The following SLC24A3 variants were observed in gnomAD, a reference collection of about 807,000 sequenced individuals.
The protein encoded by SLC24A3 is sodium/potassium/calcium exchanger 3.
In SLC24A3, 28 loss-of-function variants were observed where a neutral mutation model predicts 75.8. That is an observed-to-expected ratio of 0.37 (90% CI 0.27 to 0.51). The LOEUF is 0.51. Among genes scored for constraint, SLC24A3 ranks in the 20% least tolerant of loss-of-function variants. SLC24A3 has a pLI of 0.94. For missense variants in SLC24A3, 663 were observed against 847.8 expected (o/e 0.78, Z 2.71); for synonymous variants, 372 against 334.1 (o/e 1.11, Z -1.24).
At chr20:19,259,312 G>A (rs1005954368) in intron 1 of SLC24A3, among the ~76,000 whole-genome samples, 16 of 152,220 alleles carry the variant, frequency 1.1e-4, no homozygotes, top group African/African-American at 3.1e-4. Context: ...GCATGCAGGA[G>A]CTTTCCTTCT....
intron 12 of SLC24A3, among the ~76,000 whole-genome samples, chr20:19,690,558 G>C (rs558342151): frequency 6.6e-6 from 1 of 152,038 alleles, no homozygotes; most frequent in Non-Finnish European, 1.5e-5. Flanking sequence ...TACTCTGTCC[G>C]TTTGAGGGCA....
intron 2 of SLC24A3, among the ~76,000 whole-genome samples, chr20:19,350,420 CT>C (rs1196070846): frequency 6.6e-6 from 1 of 151,982 alleles, no homozygotes; most frequent in Non-Finnish European, 1.5e-5. Flanking sequence ...ACTTTTTGTG[CT>C]ATTGCATTTA....
At chr20:19,545,913 A>AC (rs1455890405) in intron 3 of SLC24A3, among the ~76,000 whole-genome samples, 1 of 152,004 alleles carries the variant, frequency 6.6e-6, no homozygotes, top group African/African-American at 2.4e-5. Flanking sequence ...TAATCCCAGC[A>AC]CTTTGGGAGG....
At chr20:19,374,336 C>A (rs1304241497) in intron 2 of SLC24A3, among the ~76,000 whole-genome samples, 1 of 152,194 alleles carries the variant, frequency 6.6e-6, no homozygotes, top group Non-Finnish European at 1.5e-5. Flanking sequence ...GTTAAAATGA[C>A]AAATGTTTTC....
chr20:19,563,020 A>G (rs963194416), intron 3 of SLC24A3, among the ~76,000 whole-genome samples: 9 of 152,178 alleles, frequency 5.9e-5, no homozygotes, highest in African/African-American at 2.2e-4. Flanking sequence ...CAGGGTGCCA[A>G]TCTACAATGG....
At chr20:19,500,905 C>T (rs1194619639) in intron 2 of SLC24A3, among the ~76,000 whole-genome samples, 3 of 152,204 alleles carry the variant, frequency 2.0e-5, no homozygotes. Context: ...TAAATGTATA[C>T]ATTTGCATGA....
In SLC24A3 at chr20:19,721,828, C is replaced by CTGGG. The variant is rs902087694; in HGVS notation, c.*688_*689insTGGG. The stretch of plus-strand genomic sequence containing the variant: ...TTAGAGGAGCCACTGGGCAAGGCCA[C>CTGGG]CAAGAACAAATGCATGACATTTTAT... On this transcript the variant is annotated 3_prime_UTR_variant, in exon 17 of 17. Coordinates refer to ENST00000328041, the MANE Select transcript of SLC24A3 (RefSeq NM_020689.4). 2.0e-5 allele frequency: 3 copies of CTGGG among 152,760 alleles called. No individual in the cohort carries two copies. Among genetic ancestry groups the CTGGG allele is most frequent in the African/African-American group, 7.2e-5 (3 of 41,528 alleles). The allele number at this position is 152,760 out of a possible 1,614,324, so 9.5% of individuals were successfully genotyped here.
intron 2 of SLC24A3, among the ~76,000 whole-genome samples, chr20:19,440,409 T>A (rs1181959671): frequency 2.0e-5 from 3 of 152,208 alleles, no homozygotes; most frequent in Non-Finnish European, 4.4e-5. Flanking sequence ...TGTCTCTGAC[T>A]GTAGTAAGTG....
At chr20:19,328,844 G>A (rs980840712) in intron 2 of SLC24A3, among the ~76,000 whole-genome samples, 10 of 152,228 alleles carry the variant, frequency 6.6e-5, no homozygotes, top group African/African-American at 2.2e-4. Context: ...GCCATGAAGT[G>A]GAGGGGATTC....
At chr20:19,690,848 G>A (rs532233852) in intron 12 of SLC24A3, among the ~76,000 whole-genome samples, 1 of 152,230 alleles carries the variant, frequency 6.6e-6, no homozygotes, top group South Asian at 2.1e-4. Flanking sequence ...CAGCTAATAG[G>A]AAAACACTTC....
intron 10 of SLC24A3, among the ~76,000 whole-genome samples, chr20:19,683,673 C>A (rs2122741183): frequency 6.6e-6 from 1 of 152,300 alleles, no homozygotes; most frequent in East Asian, 1.9e-4. Flanking sequence ...ATATAGGGTA[C>A]AAAGTTCTTG....
chr20:19,227,466 A>G (rs1278361994), intron 1 of SLC24A3, among the ~76,000 whole-genome samples: 1 of 150,204 alleles, frequency 6.7e-6, no homozygotes, highest in East Asian at 2.0e-4. Flanking sequence ...TTATTTTTTC[A>G]TCCGCCTATT....
intron 1 of SLC24A3, chr20:19,264,242 A>G (rs1983090850): frequency 6.6e-6 from 1 of 152,132 alleles, no homozygotes; most frequent in Admixed American, 6.5e-5. Context: ...ATTGTTTCCA[A>G]GATGAGGTCA....
At chr20:19,717,372 G>A (rs954506398) in intron 15 of SLC24A3, among the ~76,000 whole-genome samples, 156 bp from the exon 16 acceptor site, 5 of 152,340 alleles carry the variant, frequency 3.3e-5, no homozygotes, top group Middle Eastern at 3.4e-3. Context: ...AGTATAAGCT[G>A]TGGAGCTGGC....
chr20:19,677,520 CA>C (rs1439121484), intron 9 of SLC24A3, among the ~76,000 whole-genome samples: 3 of 151,944 alleles, frequency 2.0e-5, no homozygotes, highest in Middle Eastern at 6.3e-3. Context: ...TCACCACCCC[CA>C]GCAACCATCA....
intron 6 of SLC24A3, among the ~76,000 whole-genome samples, chr20:19,639,494 T>C (rs894914029): frequency 6.6e-6 from 1 of 152,234 alleles, no homozygotes; most frequent in Admixed American, 6.5e-5. Context: ...CCCATTGGTG[T>C]ATTTACAATC....
intron 3 of SLC24A3, among the ~76,000 whole-genome samples, chr20:19,545,937 A>C (rs1156645825): frequency 1.3e-5 from 2 of 152,024 alleles, no homozygotes; most frequent in Non-Finnish European, 2.9e-5. Flanking sequence ...AGGCGGGTGG[A>C]TCACGAGGTC....
At chr20:19,540,717 A>G (rs1489101892) in intron 3 of SLC24A3, among the ~76,000 whole-genome samples, 1 of 152,210 alleles carries the variant, frequency 6.6e-6, no homozygotes, top group Non-Finnish European at 1.5e-5. Flanking sequence ...ATTCATGGGT[A>G]AGTTTGCATT....
intron 1 of SLC24A3, among the ~76,000 whole-genome samples, chr20:19,257,417 C>T (rs977687865): frequency 6.6e-6 from 1 of 152,220 alleles, no homozygotes; most frequent in East Asian, 1.9e-4. Context: ...CAGCTGGCGT[C>T]AGCCAAGAAC....
Sources: gnomAD v4.1 joint callset for allele counts (sites outside exome capture counted in the v4.1 genomes callset) on GRCh38, gnomAD v4.1.1 for gene constraint, MANE v1.5 for transcripts, NCBI Gene and HGNC (gene_info 2026-07-23, HGNC 2026-07-21) for gene names.